MLLT3: variants seen among roughly 807,000 people sequenced by gnomAD.
MLLT3 encodes the protein protein AF-9.
Under a neutral mutation model 53.2 loss-of-function variants are expected in MLLT3, and 4 were observed. The observed-to-expected ratio is 0.08, with a 90% confidence interval of 0.04 to 0.17. The LOEUF (loss-of-function observed/expected upper bound fraction) is 0.17, where lower values mean the gene tolerates loss of function less well. Ranked by LOEUF, MLLT3 falls within the 10% of genes least tolerant of loss-of-function variation. The pLI, the probability that MLLT3 is intolerant of heterozygous loss-of-function variation, is 1.00. For synonymous variants in MLLT3, 283 were observed against 230.6 expected (o/e 1.23, Z -2.06); for missense variants, 569 against 684.0 (o/e 0.83, Z 1.87).
In MLLT3 at chr9:20,543,663, AAGG is replaced by A. The variant is rs1818703836; in HGVS notation, c.193+76988_193+76990del. 3.9e-5 allele frequency among the ~76,000 whole-genome samples: 6 copies of A among 151,958 alleles called. No individual in the cohort carries two copies. The South Asian group carries it at 1.0e-3, about 26-fold the overall frequency. On this transcript the variant is annotated intron_variant, in intron 2 of 10. Coordinates refer to ENST00000380338, the MANE Select transcript of MLLT3 (RefSeq NM_004529.4). Reference sequence around the variant, plus strand: ...TCCCAGAAAGAAGAAGAAGGAAAAGAAGGAGGAGAAGGAGAAGAGGAGGAGGAA... The same window carrying A: ...TCCCAGAAAGAAGAAGAAGGAAAAGAAGGAGAAGGAGAAGAGGAGGAGGAA...
At chr9:20,612,405 A>G (rs1270621199) in intron 2 of MLLT3, among the ~76,000 whole-genome samples, 2 of 152,196 alleles carry the variant, frequency 1.3e-5, no homozygotes, top group Non-Finnish European at 2.9e-5. Flanking sequence ...CTTTTGGTTA[A>G]GCACATTACT....
At chr9:20,444,764 C>T (rs1383685388) in intron 4 of MLLT3, among the ~76,000 whole-genome samples, 1 of 152,026 alleles carries the variant, frequency 6.6e-6, no homozygotes, top group Non-Finnish European at 1.5e-5. Context: ...CCCAGCTACT[C>T]AGGAGGCTGA....
chr9:20,399,858 G>A (rs1484089445), intron 5 of MLLT3, among the ~76,000 whole-genome samples: 1 of 152,116 alleles, frequency 6.6e-6, no homozygotes, highest in Non-Finnish European at 1.5e-5. Context: ...CAAGCACTGT[G>A]TTTTACTTTT....
At chr9:20,423,026 T>C (rs1411916975) in intron 4 of MLLT3, among the ~76,000 whole-genome samples, 1 of 152,146 alleles carries the variant, frequency 6.6e-6, no homozygotes, top group African/African-American at 2.4e-5. Flanking sequence ...CATATATAAT[T>C]AGTGATAAAA....
chr9:20,483,167 C>T (rs912552534), intron 2 of MLLT3, among the ~76,000 whole-genome samples: 1 of 152,062 alleles, frequency 6.6e-6, no homozygotes, highest in Admixed American at 6.6e-5. Context: ...TCCATATTAA[C>T]GCAATGATCA....
At chr9:20,509,682 C>T (rs928118559) in intron 2 of MLLT3, among the ~76,000 whole-genome samples, 13 of 152,180 alleles carry the variant, frequency 8.5e-5, no homozygotes, top group Non-Finnish European at 1.9e-4. Flanking sequence ...ACTGCTGTAA[C>T]GTACATGGCA....
intron 2 of MLLT3, among the ~76,000 whole-genome samples, chr9:20,498,266 A>AAAAAAAAACAG (rs760352616): frequency 1.0e-5 from 1 of 98,284 alleles, no homozygotes; most frequent in African/African-American, 3.6e-5. Context: ...AAAAAAAAAA[A>AAAAAAAAACAG]GTTCTTCTAG....
chr9:20,572,537 T>C (rs1819555127), intron 2 of MLLT3, among the ~76,000 whole-genome samples: 1 of 152,230 alleles, frequency 6.6e-6, no homozygotes, highest in Non-Finnish European at 1.5e-5. Context: ...CTCACGCCTG[T>C]AATCCCAGCA....
At chr9:20,588,851 C>T (rs550537076) in intron 2 of MLLT3, among the ~76,000 whole-genome samples, 8 of 151,992 alleles carry the variant, frequency 5.3e-5, no homozygotes, top group Non-Finnish European at 8.8e-5. Flanking sequence ...CCATCACTGG[C>T]CATCAGAGAA....
Position 20,346,355 on chromosome 9 carries a change from A to T in MLLT3, c.*88T>A. The T allele has an allele frequency of 7.5e-7, 1 of 1,340,674 alleles. No homozygotes were observed. The highest frequency in any genetic ancestry group is 1.0e-6 in the Non-Finnish European group (1 of 997,348). The allele number at this position is 1,340,674 out of a possible 1,614,324, so 83.0% of individuals were successfully genotyped here. A position where few individuals can be genotyped will look rare whatever the true frequency, so the allele number is the denominator to read the frequency against. The stretch of plus-strand genomic sequence containing the variant: ...CATCATTTTGAGTGTTTTCATATAA[A>T]CAACAAGAACAAAAAATCACAACCA... On this transcript the variant is annotated 3_prime_UTR_variant, in exon 11 of 11. Transcript: ENST00000380338.
At chr9:20,397,755 A>AT (rs1160048945) in intron 5 of MLLT3, among the ~76,000 whole-genome samples, 5 of 151,878 alleles carry the variant, frequency 3.3e-5, no homozygotes, top group Admixed American at 6.6e-5. Context: ...TTTAGAGTTC[A>AT]TTTTTTTTCT....
rs995047188 is a variant in MLLT3, at chr9:20,344,265, G to T, written c.*2178C>A. ...ATCATATTTTTTGCCCCACAATTTAGTTACAGAAATAAAAATGGCCCAAAC... is the reference window on the plus strand; with the variant it reads ...ATCATATTTTTTGCCCCACAATTTATTTACAGAAATAAAAATGGCCCAAAC... On this transcript the variant is annotated 3_prime_UTR_variant, in exon 11 of 11. Transcript: ENST00000380338. The T allele has an allele frequency of 1.0e-5, 2 of 198,794 alleles. No individual in the cohort carries two copies. Among genetic ancestry groups the T allele is most frequent in the South Asian group, 1.9e-4 (1 of 5,222 alleles). 12.3% of individuals were successfully genotyped at this position (198,794 alleles called of 1,614,324 possible).
At chr9:20,491,248 A>C (rs1824939784) in intron 2 of MLLT3, among the ~76,000 whole-genome samples, 1 of 152,168 alleles carries the variant, frequency 6.6e-6, no homozygotes, top group Admixed American at 6.5e-5. Flanking sequence ...TTTTAACATT[A>C]ATTTTTTTAA....
Position 20,559,644 on chromosome 9 carries a change from T to G in MLLT3, c.193+61010A>C, listed in dbSNP as rs1819151271. Among the ~76,000 whole-genome samples the G allele has an allele frequency of 1.3e-5, 2 of 152,206 alleles. 1 individual carries two copies. On this transcript the variant is annotated intron_variant, in intron 2 of 10. Transcript: ENST00000380338. ...CTTTGGCCAAATCACTTCACCCCTT[T>G]GAAATGCATCACATGGCATCCTTTA...
intron 2 of MLLT3, among the ~76,000 whole-genome samples, chr9:20,597,550 AAATGAGGTTCATCCCTCCTTCTTCTTAC>A (rs1820306214): frequency 6.6e-6 from 1 of 152,158 alleles, no homozygotes; most frequent in Non-Finnish European, 1.5e-5. Flanking sequence ...TCAACCATAC[AAATGAGGTTCATCCCTCCTTCTTCTTAC>A]TATGTTTATT....
intron 2 of MLLT3, among the ~76,000 whole-genome samples, chr9:20,481,368 C>A (rs1464002495): frequency 6.6e-6 from 1 of 152,124 alleles, no homozygotes; most frequent in Non-Finnish European, 1.5e-5. Context: ...CCTGAAGGAC[C>A]TCAGACCAAA....
At chr9:20,539,528 G>C (rs1245841589) in intron 2 of MLLT3, among the ~76,000 whole-genome samples, 7 of 152,164 alleles carry the variant, frequency 4.6e-5, no homozygotes, top group Admixed American at 6.5e-5. Context: ...CAGCAGGAGA[G>C]AGAGAACAAG....
chr9:20,341,907 T>C lies in MLLT3; in HGVS notation c.*4536A>G. 1 of 203,354 alleles carries C rather than the reference T, an allele frequency of 4.9e-6. No homozygotes were observed. The allele number at this position is 203,354 out of a possible 1,614,324, so 12.6% of individuals were successfully genotyped here. ...AAAAAATGTATCCCACCACTTCTTGTTCCAATCTTTGCAGAGTTTTAAAAA... is the reference window on the plus strand; with the variant it reads ...AAAAAATGTATCCCACCACTTCTTGCTCCAATCTTTGCAGAGTTTTAAAAA... On this transcript the variant is annotated 3_prime_UTR_variant, in exon 11 of 11. Coordinates refer to ENST00000380338, the MANE Select transcript of MLLT3 (RefSeq NM_004529.4).
At chr9:20,597,872 T>A (rs1464800816) in intron 2 of MLLT3, among the ~76,000 whole-genome samples, 1 of 152,216 alleles carries the variant, frequency 6.6e-6, no homozygotes, top group East Asian at 1.9e-4. Context: ...ACTAAAACAA[T>A]TTTTTTCCAA....
Sources: allele counts gnomAD v4.1 joint callset (sites outside exome capture counted in the v4.1 genomes callset), GRCh38; gene constraint gnomAD v4.1.1; transcripts MANE v1.5; gene names NCBI Gene and HGNC (gene_info 2026-07-23, HGNC 2026-07-21).